The following NCOA1 variants were observed in gnomAD, a reference collection of about 807,000 sequenced individuals.
NCOA1 encodes nuclear receptor coactivator 1.
NCOA1 carries 35 observed loss-of-function variants against 150.9 expected under a neutral mutation model. That is an observed-to-expected ratio of 0.23 (90% confidence interval 0.18 to 0.31). The LOEUF is 0.31. Among genes scored for constraint, NCOA1 ranks in the 10% least tolerant of loss-of-function variants. The pLI, the probability that NCOA1 is intolerant of heterozygous loss-of-function variation, is 1.00. For synonymous variants in NCOA1, 590 were observed against 630.0 expected, an observed-to-expected ratio of 0.94 and a Z score of 0.95; for missense variants, 1,491 against 1,749.3, an observed-to-expected ratio of 0.85 and a Z score of 2.63.
chr2:24,638,180 C>CTTTTTTTT (rs544369191), intron 3 of NCOA1, among the ~76,000 whole-genome samples: 2 of 89,508 alleles, frequency 2.2e-5, no homozygotes, highest in Non-Finnish European at 4.6e-5. Context: ...ATGAGATCAA[C>CTTTTTTTT]TTTTTTTTTT....
At position 24,670,999 on chromosome 2, in the gene NCOA1, T is replaced by C. The variant is rs540105928; in HGVS notation, c.257-2367T>C. On this transcript the variant is annotated intron_variant, in intron 6 of 22. Transcript: ENST00000348332. ...AGCAGTTTGTCAATACCTAGTGATA[T>C]AAGTTACGCAGACCTTATGATCCTG... 9.2e-5 allele frequency among the ~76,000 whole-genome samples: 14 copies of C among 152,330 alleles called. No homozygotes were observed. The East Asian group carries it at 1.9e-3, about 21-fold the overall frequency.
At chr2:24,586,881 G>A (rs1667434954) in intron 3 of NCOA1, among the ~76,000 whole-genome samples, 1 of 152,078 alleles carries the variant, frequency 6.6e-6, no homozygotes, top group Non-Finnish European at 1.5e-5. Context: ...TTCACTAGTG[G>A]CAGGGGTTAT....
intron 1 of NCOA1, among the ~76,000 whole-genome samples, chr2:24,548,291 C>A (rs1368973631): frequency 6.6e-6 from 1 of 152,150 alleles, no homozygotes; most frequent in Non-Finnish European, 1.5e-5. Context: ...CTCCCCCTTA[C>A]AAAAGCATCA....
intron 22 of NCOA1, among the ~76,000 whole-genome samples, chr2:24,763,612 C>T (rs1664899402): frequency 7.6e-6 from 1 of 131,628 alleles, no homozygotes. Context: ...TTTGGTCTCT[C>T]TCTCTTTTTT....
At chr2:24,595,937 G>A (rs1258755415) in intron 3 of NCOA1, among the ~76,000 whole-genome samples, 2 of 152,162 alleles carry the variant, frequency 1.3e-5, no homozygotes, top group East Asian at 3.8e-4. Flanking sequence ...GGAAGCCCCT[G>A]TAGTTGCAGA....
rs78252706 is a variant in NCOA1 at position 24,767,915 on chromosome 2, A to G, written c.4156-306A>G. ...CCTACCACTGGATACCCAGACTCTG[A>G]AACTGGGCTTCTCCCAATCTTGGCA... On this transcript the variant is annotated intron_variant, in intron 22 of 22. Transcript: ENST00000348332. 4.8e-4 allele frequency: 292 copies of G among 614,126 alleles called. 2 individuals are homozygous for G. In the East Asian group the frequency reaches 5.4e-3, roughly 11 times the overall value. The allele number at this position is 614,126 out of a possible 1,614,324, so 38.0% of individuals were successfully genotyped here.
chr2:24,636,411 T>G (rs1390237143), intron 3 of NCOA1, among the ~76,000 whole-genome samples: 1 of 152,206 alleles, frequency 6.6e-6, no homozygotes, highest in African/African-American at 2.4e-5. Flanking sequence ...AATTGATATT[T>G]TTATATTCAC....
At chr2:24,744,482 C>G (rs760589294) in intron 19 of NCOA1, among the ~76,000 whole-genome samples, 1 of 152,298 alleles carries the variant, frequency 6.6e-6, no homozygotes, top group South Asian at 2.1e-4. Flanking sequence ...TCTGTCACCA[C>G]TCTTAATTAT....
At chr2:24,540,303 C>CA (rs1193714866) in intron 1 of NCOA1, among the ~76,000 whole-genome samples, 1 of 152,078 alleles carries the variant, frequency 6.6e-6, no homozygotes, top group Non-Finnish European at 1.5e-5. Context: ...ATATCCTTAA[C>CA]AAAAACAAGT....
At chr2:24,635,719 GTT>G (rs1213479880) in intron 3 of NCOA1, among the ~76,000 whole-genome samples, 1 of 152,118 alleles carries the variant, frequency 6.6e-6, no homozygotes, top group East Asian at 1.9e-4. Context: ...AGGGCACTAA[GTT>G]TATTACAAAT....
chr2:24,705,345 A>G (rs1185803277), intron 12 of NCOA1, 112 bp downstream of exon 12: 3 of 1,082,778 alleles, frequency 2.8e-6, no homozygotes, highest in Non-Finnish European at 4.0e-6. Context: ...AATTAGGCGT[A>G]AAACTAGTGT....
At chr2:24,657,818 G>T (rs1671011161) in intron 4 of NCOA1, among the ~76,000 whole-genome samples, 1 of 152,178 alleles carries the variant, frequency 6.6e-6, no homozygotes, top group Non-Finnish European at 1.5e-5. Context: ...TTTTATAAGG[G>T]TAGATGGAGT....
intron 3 of NCOA1, among the ~76,000 whole-genome samples, chr2:24,599,825 G>A (rs1668035755): frequency 6.8e-6 from 1 of 147,330 alleles, no homozygotes; most frequent in African/African-American, 2.5e-5. Context: ...TCTGCCTCCT[G>A]TTTTAAGCGA....
At chr2:24,702,390 G>A (rs1278998706) in intron 11 of NCOA1, among the ~76,000 whole-genome samples, 2 of 151,854 alleles carry the variant, frequency 1.3e-5, no homozygotes, top group African/African-American at 4.8e-5. Context: ...AACCTCTACC[G>A]GCATTGACCC....
intron 1 of NCOA1, among the ~76,000 whole-genome samples, chr2:24,497,477 A>G (rs1013674663): frequency 6.6e-6 from 1 of 152,012 alleles, no homozygotes; most frequent in Non-Finnish European, 1.5e-5. Flanking sequence ...GGAGTTCGAG[A>G]CCTGGCCAAT....
Position 24,693,431 on chromosome 2 carries a change from T to C in NCOA1, c.808+84T>C, listed in dbSNP as rs965060336. ...AAACTAATTATATCCAGAATGTCTTTCTGTTCTATGAGATTTAGGCTTTGC... is the reference window on the plus strand; with the variant it reads ...AAACTAATTATATCCAGAATGTCTTCCTGTTCTATGAGATTTAGGCTTTGC... On this transcript the variant is annotated intron_variant, in intron 10 of 22. Transcript: ENST00000348332. 4 of 1,211,034 alleles carry C rather than the reference T, an allele frequency of 3.3e-6. No homozygotes were observed. The African/African-American group carries it at 6.0e-5, about 18-fold the overall frequency. The allele number at this position is 1,211,034 out of a possible 1,614,324, so 75.0% of individuals were successfully genotyped here.
At chr2:24,640,973 C>T (rs1328346127) in intron 3 of NCOA1, among the ~76,000 whole-genome samples, 1 of 151,818 alleles carries the variant, frequency 6.6e-6, no homozygotes, top group African/African-American at 2.4e-5. Context: ...CCATTTGCTC[C>T]TTGTTCTTCT....
chr2:24,672,051 G>A (rs1268380528), intron 6 of NCOA1, among the ~76,000 whole-genome samples: 2 of 151,880 alleles, frequency 1.3e-5, no homozygotes, highest in South Asian at 4.1e-4. Flanking sequence ...GGATGTGGAG[G>A]ACTAATGGTA....
intron 1 of NCOA1, among the ~76,000 whole-genome samples, chr2:24,545,084 G>C (rs767471660): frequency 1.3e-5 from 2 of 152,070 alleles, no homozygotes; most frequent in African/African-American, 2.4e-5. Flanking sequence ...TACTAGCTCT[G>C]TCTGCTGAGA....
Sources: gnomAD v4.1 joint callset for allele counts (sites outside exome capture counted in the v4.1 genomes callset) on GRCh38, gnomAD v4.1.1 for gene constraint, MANE v1.5 for transcripts, NCBI Gene and HGNC (gene_info 2026-07-23, HGNC 2026-07-21) for gene names.